The following LRRC7 variants were observed in gnomAD, a reference collection of about 807,000 sequenced individuals.
LRRC7 encodes leucine rich repeat containing 7.
A neutral mutation model predicts 175.7 loss-of-function variants in LRRC7; 23 were observed. That is an observed-to-expected ratio of 0.13 (90% CI 0.09 to 0.19). The LOEUF (loss-of-function observed/expected upper bound fraction) is 0.19. LRRC7 is among the 10% of genes least tolerant of loss of function. LRRC7 has a pLI of 1.00. For synonymous variants in LRRC7, 685 were observed against 680.9 expected, an observed-to-expected ratio of 1.01 and a Z score of -0.09; for missense variants, 1,354 against 1,904.7, an observed-to-expected ratio of 0.71 and a Z score of 5.38.
chr1:70,127,604 T>C lies in LRRC7; in HGVS notation c.*5717T>C, dbSNP rs1343076669. Among the ~76,000 whole-genome samples the C allele has an allele frequency of 6.6e-6, 1 of 152,214 alleles. No individual in the cohort carries two copies. The highest frequency in any genetic ancestry group is 2.4e-5 in the African/African-American group (1 of 41,458). ...TCTTCCCAGTTGGGTTCTGAGCTCA[T>C]GCTCTTTGTAACAACACACTGAGCA... On this transcript the variant is annotated 3_prime_UTR_variant, in exon 27 of 27. Transcript: ENST00000651989.
intron 1 of LRRC7, among the ~76,000 whole-genome samples, chr1:69,634,279 C>T (rs956895503): frequency 2.0e-5 from 3 of 151,974 alleles, no homozygotes; most frequent in African/African-American, 7.2e-5. Context: ...ATGAAGTGTT[C>T]CTAAGTAGTC....
chr1:69,759,903 A>T (rs1202688860), intron 2 of LRRC7, among the ~76,000 whole-genome samples: 1 of 152,076 alleles, frequency 6.6e-6, no homozygotes, highest in East Asian at 1.9e-4. Flanking sequence ...GAACTGAGAC[A>T]GGATTGTATC....
intron 2 of LRRC7, among the ~76,000 whole-genome samples, chr1:69,750,138 C>CA (rs1194928484): frequency 6.6e-6 from 1 of 151,208 alleles, no homozygotes; most frequent in African/African-American, 2.4e-5. Flanking sequence ...GAATGTCAAG[C>CA]TAAAGAATCT....
At chr1:69,847,596 A>G (rs975875523) in intron 7 of LRRC7, among the ~76,000 whole-genome samples, 3 of 152,052 alleles carry the variant, frequency 2.0e-5, no homozygotes, top group Admixed American at 6.6e-5. Flanking sequence ...TACACTGCCT[A>G]ATGACAGCAC....
chr1:69,597,497 T>C (rs959294452), intron 1 of LRRC7, among the ~76,000 whole-genome samples: 3 of 152,208 alleles, frequency 2.0e-5, no homozygotes. Flanking sequence ...TTCTACCATA[T>C]GCTATAAATT....
intron 7 of LRRC7, among the ~76,000 whole-genome samples, chr1:69,914,668 A>AC (rs1646633472): frequency 6.6e-6 from 1 of 152,162 alleles, no homozygotes; most frequent in Non-Finnish European, 1.5e-5. Flanking sequence ...ATCTTTATTC[A>AC]TGGTCTGGAA....
At chr1:69,730,923 T>C (rs1335420148) in intron 2 of LRRC7, among the ~76,000 whole-genome samples, 1 of 152,012 alleles carries the variant, frequency 6.6e-6, no homozygotes, top group Non-Finnish European at 1.5e-5. Flanking sequence ...CTTACAATCA[T>C]AACAGAAGGG....
At chr1:70,064,012 T>C (rs745543330) in intron 23 of LRRC7, among the ~76,000 whole-genome samples, 12 of 152,048 alleles carry the variant, frequency 7.9e-5, no homozygotes, top group Non-Finnish European at 1.6e-4. Flanking sequence ...TATGTGTCAT[T>C]GGAGACACTG....
chr1:69,652,706 AAAT>A (rs1300439499), intron 1 of LRRC7, among the ~76,000 whole-genome samples: 5 of 152,142 alleles, frequency 3.3e-5, no homozygotes, highest in Admixed American at 6.5e-5. Flanking sequence ...TTCAAAAAAA[AAAT>A]AATAATAACC....
intron 8 of LRRC7, among the ~76,000 whole-genome samples, chr1:69,941,673 A>G (rs539978710): frequency 6.8e-4 from 103 of 152,070 alleles, no homozygotes; most frequent in Non-Finnish European, 6.5e-4. Context: ...GAAACTACAA[A>G]TTTTAAATTA....
intron 1 of LRRC7, among the ~76,000 whole-genome samples, chr1:69,665,018 C>A (rs1658064064): frequency 6.6e-6 from 1 of 151,980 alleles, no homozygotes; most frequent in African/African-American, 2.4e-5. Context: ...ATTTTTTTTG[C>A]CAGTGGATAT....
In LRRC7 at chr1:69,678,446, G is replaced by A. The variant is rs758484539; in HGVS notation, c.68G>A (p.Arg23His). ...QYQRSPCKEVRAALRKRPEEE... is the reference protein window; with the variant it reads ...QYQRSPCKEVHAALRKRPEEE... ...CAGAGAAGTCCTTGTAAAGAGGTTC[G>A]TGCAGCACTTCGGAAGAGGCCTGAA... Residue 23 changes from arginine (R) to histidine (H), a missense_variant, in exon 2 of 27, where the codon CGT becomes CAT. Arg to His is a conservative substitution (Grantham distance 29). Transcript: ENST00000651989. 27 of 1,604,968 alleles carry A rather than the reference G, an allele frequency of 1.7e-5. 1 individual carries two copies. The highest frequency in any genetic ancestry group is 6.7e-5 in the South Asian group (6 of 89,206).
intron 7 of LRRC7, chr1:69,874,679 T>A: frequency 6.6e-6 from 1 of 152,140 alleles, no homozygotes; most frequent in Non-Finnish European, 1.5e-5. Flanking sequence ...TTATTGAATA[T>A]TTCTATTCTG....
chr1:69,641,507 T>C (rs1369161301), intron 1 of LRRC7, among the ~76,000 whole-genome samples: 1 of 151,568 alleles, frequency 6.6e-6, no homozygotes, highest in African/African-American at 2.4e-5. Context: ...TATTACTAAA[T>C]TTATCATATT....
At chr1:70,057,594 A>AT (rs1009524230) in intron 23 of LRRC7, among the ~76,000 whole-genome samples, 20 of 148,002 alleles carry the variant, frequency 1.4e-4, no homozygotes, top group South Asian at 2.1e-4. Flanking sequence ...GCCTCTGTAG[A>AT]TTTTTTTTTT....
rs954417486 is a variant in LRRC7, at chr1:69,993,701, AT to A, written c.932-850del. The stretch of plus-strand genomic sequence containing the variant: ...GAAACTTACTATGTCAATTAGTAAA[AT>A]TTTTTTTTTGCAGAATGCAGCAATC... On this transcript the variant is annotated intron_variant, in intron 10 of 26. Transcript: ENST00000651989. 4.0e-4 allele frequency among the ~76,000 whole-genome samples: 60 copies of A among 150,648 alleles called. No individual in the cohort carries two copies. In the East Asian group the frequency reaches 7.6e-3, roughly 19 times the overall value.
intron 1 of LRRC7, among the ~76,000 whole-genome samples, chr1:69,577,206 T>C (rs1184039594): frequency 6.6e-6 from 1 of 152,146 alleles, no homozygotes; most frequent in Non-Finnish European, 1.5e-5. Flanking sequence ...CATGTTTAAG[T>C]TCCATATAAA....
chr1:69,862,466 TC>T (rs1684459009), intron 7 of LRRC7, among the ~76,000 whole-genome samples: 1 of 152,212 alleles, frequency 6.6e-6, no homozygotes, highest in Non-Finnish European at 1.5e-5. Context: ...TATTCAGATT[TC>T]TGCCTGGGAA....
chr1:69,633,408 A>AT (rs905668528), intron 1 of LRRC7, among the ~76,000 whole-genome samples: 10 of 150,442 alleles, frequency 6.6e-5, no homozygotes, highest in African/African-American at 1.9e-4. Flanking sequence ...TGTGCTTTTA[A>AT]TTTTTTTTGT....
Sources: allele counts gnomAD v4.1 joint callset (sites outside exome capture counted in the v4.1 genomes callset), GRCh38; gene constraint gnomAD v4.1.1; transcripts MANE v1.5; gene names NCBI Gene and HGNC (gene_info 2026-07-23, HGNC 2026-07-21).